The following LAMA1 variants were observed in gnomAD, a reference collection of about 807,000 sequenced individuals.
LAMA1 encodes the protein laminin subunit alpha-1.
Under a neutral mutation model 348.7 loss-of-function variants are expected in LAMA1, and 219 were observed. The observed-to-expected ratio is 0.63, with a 90% CI of 0.56 to 0.70. The LOEUF is 0.70. LAMA1 is among the 30% of genes least tolerant of loss of function. LAMA1 has a pLI of 0.00. For missense variants in LAMA1, 3,744 were observed against 3,888.0 expected (o/e 0.96, Z 0.99); for synonymous variants, 1,487 against 1,491.0 (o/e 1.00, Z 0.06).
At chr18:7,040,026 C>T in intron 10 of LAMA1, 50 bp downstream of exon 10, 1 of 1,605,852 alleles carries the variant, frequency 6.2e-7, no homozygotes, top group Non-Finnish European at 8.5e-7. Flanking sequence ...CACTCCTTTT[C>T]CAGAGAAGCT....
At chr18:7,045,354 C>T (rs2058037586) in intron 6 of LAMA1, among the ~76,000 whole-genome samples, 1 of 152,062 alleles carries the variant, frequency 6.6e-6, no homozygotes, top group Non-Finnish European at 1.5e-5. Flanking sequence ...CCTGTAATCC[C>T]AGCTACTCAG....
intron 16 of LAMA1, among the ~76,000 whole-genome samples, chr18:7,030,646 A>C (rs1288755166): frequency 3.3e-5 from 5 of 152,184 alleles, no homozygotes; most frequent in Admixed American, 3.3e-4. Context: ...ATTATTTCCA[A>C]AACATGTTTA....
chr18:7,028,799 G>A (rs750933572), intron 16 of LAMA1, among the ~76,000 whole-genome samples: 5 of 152,180 alleles, frequency 3.3e-5, no homozygotes, highest in East Asian at 1.9e-4. Flanking sequence ...TGCGGAGGTC[G>A]GCACTGGGGC....
intron 4 of LAMA1, among the ~76,000 whole-genome samples, chr18:7,049,938 G>A (rs1292541268): frequency 3.3e-5 from 5 of 152,172 alleles, no homozygotes; most frequent in Admixed American, 6.5e-5. Flanking sequence ...AAAGACTACG[G>A]CATTCATCAC....
intron 3 of LAMA1, among the ~76,000 whole-genome samples, chr18:7,053,148 G>A (rs2058068675): frequency 6.6e-6 from 1 of 152,214 alleles, no homozygotes; most frequent in Admixed American, 6.5e-5. Context: ...TATGAAGACA[G>A]CAAAAAGATC....
intron 36 of LAMA1, among the ~76,000 whole-genome samples, chr18:6,991,006 T>C (rs1310875553): frequency 2.6e-5 from 4 of 152,146 alleles, no homozygotes. Flanking sequence ...AGCACTCTCC[T>C]GGCACAGAGG....
intron 1 of LAMA1, among the ~76,000 whole-genome samples, chr18:7,091,429 A>T (rs2058239307): frequency 6.6e-6 from 1 of 152,226 alleles, no homozygotes. Context: ...TATATCATTT[A>T]TGACACTTAC....
At chr18:7,012,267 C>G in intron 23 of LAMA1, 129 bp from the exon 24 acceptor site, 1 of 988,016 alleles carries the variant, frequency 1.0e-6, no homozygotes, top group Non-Finnish European at 1.5e-6. Context: ...TTAGTTTCCT[C>G]TAGCCAGGCC....
intron 1 of LAMA1, among the ~76,000 whole-genome samples, chr18:7,095,706 A>G (rs978887719): frequency 2.6e-5 from 4 of 152,242 alleles, no homozygotes; most frequent in African/African-American, 7.2e-5. Context: ...TGTGCTGACA[A>G]TTACTCAAAC....
intron 60 of LAMA1, among the ~76,000 whole-genome samples, chr18:6,947,727 C>T (rs1568002310): frequency 6.6e-6 from 1 of 152,124 alleles, no homozygotes; most frequent in Non-Finnish European, 1.5e-5. Flanking sequence ...TATCAGAGTC[C>T]ATACTAAGTT....
intron 3 of LAMA1, among the ~76,000 whole-genome samples, chr18:7,077,163 C>T (rs1187737540): frequency 6.6e-6 from 1 of 151,026 alleles, no homozygotes; most frequent in Non-Finnish European, 1.5e-5. Flanking sequence ...CTAAAGCAGC[C>T]TATAACTATA....
chr18:6,982,372 T>C (rs1384198749), intron 41 of LAMA1, 125 bp downstream of exon 41: 1 of 828,842 alleles, frequency 1.2e-6, no homozygotes, highest in Non-Finnish European at 2.1e-6. Flanking sequence ...GAAATTGGAA[T>C]ATAAATGGGA....
intron 1 of LAMA1, among the ~76,000 whole-genome samples, chr18:7,110,181 C>T (rs1327630641): frequency 2.7e-5 from 4 of 146,766 alleles, no homozygotes; most frequent in East Asian, 2.1e-4. Context: ...ACTCCATCCC[C>T]CCACCCGCTG....
At position 7,085,609 on chromosome 18, in the gene LAMA1, G is replaced by A. The variant is rs576230871; in HGVS notation, c.62-5152C>T. Among the ~76,000 whole-genome samples the A allele has an allele frequency of 4.3e-4, 65 of 151,658 alleles. 1 individual carries two copies. The highest frequency in any genetic ancestry group is 4.3e-3 in the East Asian group (22 of 5,136). On this transcript the variant is annotated intron_variant, in intron 1 of 62. Transcript: ENST00000389658. ...AATTTTTTGTATTTTTAGTAGAGAT[G>A]GGGTTTCACCACGTTAGCCAGGATG...
At chr18:7,077,889 G>A (rs1215360491) in intron 3 of LAMA1, among the ~76,000 whole-genome samples, 1 of 151,452 alleles carries the variant, frequency 6.6e-6, no homozygotes, top group Non-Finnish European at 1.5e-5. Flanking sequence ...GGCACTTTGG[G>A]AAGCCGAGGC....
intron 29 of LAMA1, among the ~76,000 whole-genome samples, chr18:7,005,724 T>C (rs567680482): frequency 6.6e-6 from 1 of 152,224 alleles, no homozygotes; most frequent in Admixed American, 6.5e-5. Context: ...CCAGCCTGGG[T>C]GACAGAGCAA....
At chr18:7,104,992 GGT>G (rs371468543) in intron 1 of LAMA1, among the ~76,000 whole-genome samples, 2 of 152,140 alleles carry the variant, frequency 1.3e-5, no homozygotes, top group African/African-American at 4.8e-5. Flanking sequence ...ATGTGTAAGG[GGT>G]GTGTGTGTGC....
In LAMA1 at chr18:6,983,106, G is replaced by A. The variant is rs142286229; in HGVS notation, c.5789C>T (p.Thr1930Met). 3.3e-4 allele frequency: 534 copies of A among 1,614,120 alleles called. No homozygotes were observed. The highest frequency in any genetic ancestry group is 1.3e-3 in the Middle Eastern group (8 of 6,062). Residue 1930 changes from threonine (T) to methionine (M), a missense_variant, in exon 40 of 63, where the codon ACG becomes ATG. Physicochemically the swap from Thr to Met is moderately conservative, Grantham distance 81 (BLOSUM62 -1). This residue lies in a region of LAMA1 where 1,983 missense variants were observed against 1,934.3 expected (regional missense o/e 1.03). Coordinates refer to ENST00000389658, the MANE Select transcript of LAMA1 (RefSeq NM_005559.4). ...AGCCACGTCGTTTCCTACCAGGCTC[G>A]TCTCAGTCACAGTCCTGTGAGCATC... is the stretch of plus-strand genomic sequence containing the variant. The part of the protein sequence containing the change: ...ARDAHRTVTE[T>M]SLLSESLVSN...
Position 7,016,573 on chromosome 18 carries a change from A to G in LAMA1, c.2907T>C (p.Cys969=). 6.2e-7 allele frequency: 1 copy of G among 1,614,176 alleles called. No individual in the cohort carries two copies. The highest frequency in any genetic ancestry group is 1.3e-5 in the African/African-American group (1 of 75,058). The change falls in exon 21 of 63, where the codon TGT becomes TGC. Residue 969 remains cysteine (C), a synonymous_variant. Coordinates refer to ENST00000389658, the MANE Select transcript of LAMA1 (RefSeq NM_005559.4). ...VSDGCTDEGQ[C]HCVPGVAGKR... is the part of the protein sequence containing the mutation. ...TCCCTGCCACACCTGGGACACAGTG[A>G]CACTGGCCTTCATCCGTGCAGCCAT...
Sources: gnomAD v4.1 joint callset for allele counts (sites outside exome capture counted in the v4.1 genomes callset) on GRCh38, gnomAD v4.1.1 for gene constraint, gnomAD v4.1.1 regional missense constraint, MANE v1.5 for transcripts, NCBI Gene and HGNC (gene_info 2026-07-23, HGNC 2026-07-21) for gene names.